COL19A1: variants seen among roughly 807,000 people sequenced by gnomAD.
The protein encoded by COL19A1 is collagen type XIX alpha 1 chain, also known as collagen alpha-1(XIX) chain.
A neutral mutation model predicts 190.2 loss-of-function variants in COL19A1; 159 were observed. That is an observed-to-expected ratio of 0.84 (90% CI 0.73 to 0.95). The LOEUF (loss-of-function observed/expected upper bound fraction) is 0.95. Ranked by LOEUF, COL19A1 falls within the 40% of genes least tolerant of loss-of-function variation. The pLI is 0.00. For missense variants in COL19A1, 1,418 were observed against 1,431.9 expected, an observed-to-expected ratio of 0.99 and a Z score of 0.16; for synonymous variants, 509 against 458.9, an observed-to-expected ratio of 1.11 and a Z score of -1.39.
chr6:70,198,966 A>C (rs1257204481), intron 48 of COL19A1, among the ~76,000 whole-genome samples: 1 of 152,170 alleles, frequency 6.6e-6, no homozygotes, highest in Non-Finnish European at 1.5e-5. Flanking sequence ...TCTTCCCCAC[A>C]TGGGCCTCTC....
chr6:70,001,414 T>C (rs1044584534), intron 11 of COL19A1, among the ~76,000 whole-genome samples: 8 of 152,192 alleles, frequency 5.3e-5, no homozygotes, highest in African/African-American at 1.9e-4. Flanking sequence ...AGAATGTCAA[T>C]GGTAGTTTGA....
Position 70,168,151 on chromosome 6 carries a change from C to G in COL19A1, c.2497-20C>G. The G allele has an allele frequency of 6.2e-7, 1 of 1,611,848 alleles. No individual in the cohort carries two copies. The highest frequency in any genetic ancestry group is 8.5e-7 in the Non-Finnish European group (1 of 1,178,960). On this transcript the variant is annotated intron_variant, in intron 38 of 50. Coordinates refer to ENST00000620364, the MANE Select transcript of COL19A1 (RefSeq NM_001858.6). ...CGTCTCATCTTTCTCTTTTTCTTTT[C>G]TTTTCATTTTCTTTTGAAGGGAGGT... is the stretch of plus-strand genomic sequence containing the variant.
intron 14 of COL19A1, among the ~76,000 whole-genome samples, chr6:70,064,105 G>A (rs1342758852): frequency 1.3e-5 from 2 of 152,132 alleles, no homozygotes; most frequent in Non-Finnish European, 2.9e-5. Context: ...GAAAAAGAGA[G>A]AATCCTCCCT....
chr6:70,058,429 C>T (rs974616457), intron 14 of COL19A1, among the ~76,000 whole-genome samples: 9 of 152,008 alleles, frequency 5.9e-5, no homozygotes, highest in African/African-American at 1.4e-4. Context: ...TAATATTTCA[C>T]GAGATTTTCT....
intron 48 of COL19A1, among the ~76,000 whole-genome samples, chr6:70,192,883 C>A (rs139690304): frequency 6.6e-6 from 1 of 152,072 alleles, no homozygotes; most frequent in Non-Finnish European, 1.5e-5. Flanking sequence ...GAAATGCCAG[C>A]GTATGTGTAT....
At chr6:69,920,658 C>T (rs1771636146) in intron 4 of COL19A1, among the ~76,000 whole-genome samples, 1 of 151,734 alleles carries the variant, frequency 6.6e-6, no homozygotes, top group Non-Finnish European at 1.5e-5. Context: ...TTTTGTTAAT[C>T]TGATATACTT....
At chr6:69,893,568 T>C (rs1422651009) in intron 2 of COL19A1, among the ~76,000 whole-genome samples, 1 of 152,198 alleles carries the variant, frequency 6.6e-6, no homozygotes, top group East Asian at 1.9e-4. Flanking sequence ...CTGTATATTG[T>C]GACTTACTTT....
rs1165432741 is a variant in COL19A1 at position 69,927,902 on chromosome 6, C to T, written c.267-7C>T. The T allele has an allele frequency of 6.3e-7, 1 of 1,593,518 alleles. No individual in the cohort carries two copies. Among genetic ancestry groups the T allele is most frequent in the Admixed American group, 1.7e-5 (1 of 57,552 alleles). On this transcript the variant is annotated splice_polypyrimidine_tract_variant and splice_region_variant and intron_variant, in intron 4 of 50. Coordinates refer to ENST00000620364, the MANE Select transcript of COL19A1 (RefSeq NM_001858.6). ...CCCCACAAAAGTTCTTTGTTTTCCTCCCACAGTAAGATATTTCCCAAAGGC... is the reference window on the plus strand; with the variant it reads ...CCCCACAAAAGTTCTTTGTTTTCCTTCCACAGTAAGATATTTCCCAAAGGC...
chr6:70,098,507 G>T (rs1783424143), intron 15 of COL19A1: 4 of 479,584 alleles, frequency 8.3e-6, no homozygotes, highest in South Asian at 6.2e-5. Flanking sequence ...ACCAGTCCTG[G>T]TATTATTTCA....
At chr6:69,929,001 A>T (rs761547393) in intron 5 of COL19A1, among the ~76,000 whole-genome samples, 4 of 152,134 alleles carry the variant, frequency 2.6e-5, no homozygotes, top group Non-Finnish European at 4.4e-5. Context: ...TAGGGAAATG[A>T]TCACATTCTT....
chr6:70,035,208 A>G (rs1002146078), intron 13 of COL19A1, among the ~76,000 whole-genome samples: 13 of 152,224 alleles, frequency 8.5e-5, no homozygotes, highest in African/African-American at 2.9e-4. Context: ...AATGTTTGAG[A>G]GTTCTTAAGA....
intron 1 of COL19A1, among the ~76,000 whole-genome samples, chr6:69,866,921 G>T (rs1417317301): frequency 6.6e-6 from 1 of 152,060 alleles, no homozygotes; most frequent in Non-Finnish European, 1.5e-5. Context: ...CATGATGCAG[G>T]CTTCATGCGT....
intron 11 of COL19A1, among the ~76,000 whole-genome samples, chr6:69,975,151 C>G (rs943038849): frequency 1.3e-5 from 2 of 152,170 alleles, no homozygotes; most frequent in African/African-American, 4.8e-5. Context: ...CATGAAGATG[C>G]ATTCTCCTGA....
At chr6:69,933,850 C>T (rs1772936516) in intron 7 of COL19A1, among the ~76,000 whole-genome samples, 1 of 151,746 alleles carries the variant, frequency 6.6e-6, no homozygotes, top group African/African-American at 2.4e-5. Flanking sequence ...GATTTATTGA[C>T]TTACCAATTA....
intron 49 of COL19A1, among the ~76,000 whole-genome samples, chr6:70,200,487 A>G (rs1014243321): frequency 6.6e-5 from 10 of 152,236 alleles, no homozygotes; most frequent in Admixed American, 5.9e-4. Flanking sequence ...GTGAATATAT[A>G]TCATGAAAGA....
Position 69,981,307 on chromosome 6 carries a change from G to A in COL19A1, c.1026+18437G>A, listed in dbSNP as rs117098287. Among the ~76,000 whole-genome samples the A allele has an allele frequency of 5.5e-3, 831 of 152,222 alleles. 18 individuals carry two copies. In the East Asian group the frequency reaches 0.068, roughly 13 times the overall value. ...TACATTATGGAACATCTATATCATA[G>A]AGTATTATAGAACTACTGAATAAAT... On this transcript the variant is annotated intron_variant, in intron 11 of 50. Transcript: ENST00000620364.
intron 17 of COL19A1, among the ~76,000 whole-genome samples, chr6:70,126,005 T>G (rs1785171730): frequency 6.6e-6 from 1 of 152,140 alleles, no homozygotes; most frequent in South Asian, 2.1e-4. Context: ...GCTGGTGGAT[T>G]TTATATTTGA....
chr6:70,114,879 T>C (rs1477600125), intron 16 of COL19A1, among the ~76,000 whole-genome samples: 4 of 152,206 alleles, frequency 2.6e-5, no homozygotes, highest in African/African-American at 7.2e-5. Flanking sequence ...CTCTTTTAAA[T>C]TGAGAGCATT....
chr6:70,197,804 C>A (rs1187881666), intron 48 of COL19A1, among the ~76,000 whole-genome samples: 1 of 152,096 alleles, frequency 6.6e-6, no homozygotes, highest in Non-Finnish European at 1.5e-5. Context: ...TAGTCCTGTG[C>A]GGGTTGTGGT....
Sources: allele counts gnomAD v4.1 joint callset (sites outside exome capture counted in the v4.1 genomes callset), GRCh38; gene constraint gnomAD v4.1.1; transcripts MANE v1.5; gene names NCBI Gene and HGNC (gene_info 2026-07-23, HGNC 2026-07-21).